CUX1: variants seen among roughly 807,000 people sequenced by gnomAD.
The protein encoded by CUX1 is cut like homeobox 1.
A neutral mutation model predicts 158.8 loss-of-function variants in CUX1; 31 were observed. That is an observed-to-expected ratio of 0.20 (90% CI 0.15 to 0.26). The LOEUF is 0.26. CUX1 is among the 10% of genes least tolerant of loss of function. The pLI, the probability that CUX1 is intolerant of heterozygous loss-of-function variation, is 1.00. For synonymous variants in CUX1, 879 were observed against 862.1 expected (o/e 1.02, Z -0.34); for missense variants, 1,589 against 2,014.6 (o/e 0.79, Z 4.04).
At chr7:101,858,917 C>T (rs1261317362) in intron 1 of CUX1, among the ~76,000 whole-genome samples, 5 of 152,100 alleles carry the variant, frequency 3.3e-5, no homozygotes, top group African/African-American at 9.7e-5. Context: ...CCGCTTCCCT[C>T]GGTCTCCCAG....
In CUX1 at chr7:101,817,904, C is replaced by T. The variant is rs1792055147; in HGVS notation, c.30+235C>T. 2.0e-5 allele frequency among the ~76,000 whole-genome samples: 3 copies of T among 152,178 alleles called. No homozygotes were observed. The highest frequency in any genetic ancestry group is 2.0e-4 in the Admixed American group (3 of 15,286). On this transcript the variant is annotated intron_variant, in intron 1 of 23. Transcript: ENST00000292535. The surrounding 1 kb of genome is among the most constrained non-coding windows in gnomAD (Gnocchi z 4.1). ...AACCTGGAGGACTGGTGACAGTGAC[C>T]TACCGCAATACCTTTGGGAGCAAAG... is the stretch of plus-strand genomic sequence containing the variant.
intron 19 of CUX1, 93 bp from the exon 20 acceptor site, chr7:102,205,021 G>T: frequency 1.1e-6 from 1 of 887,238 alleles, no homozygotes; most frequent in South Asian, 1.5e-5. Context: ...CAGGAGGAAT[G>T]GGAAGCCTCC....
At position 101,848,528 on chromosome 7, in the gene CUX1, T is replaced by C. The variant is rs1795944724; in HGVS notation, c.30+30859T>C. Among the ~76,000 whole-genome samples, 3 of 152,266 alleles carry C rather than the reference T, an allele frequency of 2.0e-5. No individual in the cohort carries two copies. The South Asian group carries it at 6.2e-4, about 32-fold the overall frequency. ...TTGGGCGAGGGATCTTGATTCTTAA[T>C]GTTGAGGGGACTAGGAATGTTTGAA... is the stretch of plus-strand genomic sequence containing the variant. On this transcript the variant is annotated intron_variant, in intron 1 of 23. Transcript: ENST00000292535.
chr7:101,877,235 C>T (rs1224302046), intron 1 of CUX1, among the ~76,000 whole-genome samples: 4 of 152,164 alleles, frequency 2.6e-5, no homozygotes, highest in African/African-American at 9.7e-5. Context: ...GAAAAGTCTC[C>T]TATCTGCCTA....
In CUX1 at chr7:102,146,632, C is replaced by T. The variant is rs145390913; in HGVS notation, c.675-11928C>T. Among the ~76,000 whole-genome samples, 1,044 of 152,262 alleles carry T rather than the reference C, an allele frequency of 6.9e-3. 15 individuals are homozygous for T. The highest frequency in any genetic ancestry group is 0.023 in the African/African-American group (970 of 41,572). ...TCTTTTTTTTAAACAGACTCTCACT[C>T]TGTTGCCCAGGCTGGAGTACAGTGG... On this transcript the variant is annotated intron_variant, in intron 8 of 23. Coordinates refer to ENST00000292535, the MANE Select transcript of CUX1 (RefSeq NM_181552.4).
chr7:102,080,473 G>A (rs1554478248), intron 4 of CUX1, among the ~76,000 whole-genome samples: 2 of 152,182 alleles, frequency 1.3e-5, no homozygotes, highest in East Asian at 1.9e-4. Flanking sequence ...AGCGTCTGCC[G>A]CATTGTGATG....
rs571020000 is a variant in CUX1 at position 102,070,547 on chromosome 7, A to C, written c.268+130A>C. On this transcript the variant is annotated intron_variant, in intron 4 of 23. Coordinates refer to ENST00000292535, the MANE Select transcript of CUX1 (RefSeq NM_181552.4). Reference sequence around the variant, plus strand: ...CATCAGTGGCAACTTCCCCCCAAGAAACCAGGGAGTGCAGGACACATGAAT... The same window carrying C: ...CATCAGTGGCAACTTCCCCCCAAGACACCAGGGAGTGCAGGACACATGAAT... 2,275 of 661,852 alleles carry C rather than the reference A, an allele frequency of 3.4e-3. 8 individuals are homozygous for C. The highest frequency in any genetic ancestry group is 0.013 in the Middle Eastern group (47 of 3,742). The allele number at this position is 661,852 out of a possible 1,614,324, so 41.0% of individuals were successfully genotyped here. A position where few individuals can be genotyped will look rare whatever the true frequency, so the allele number is the denominator to read the frequency against.
intron 11 of CUX1, among the ~76,000 whole-genome samples, chr7:102,181,167 C>T (rs534916476): frequency 1.6e-4 from 24 of 152,012 alleles, no homozygotes; most frequent in African/African-American, 5.5e-4. Context: ...TCTCAAATTC[C>T]CGATCTCAGG....
intron 3 of CUX1, among the ~76,000 whole-genome samples, chr7:102,052,890 C>T (rs556408325): frequency 3.3e-5 from 5 of 151,492 alleles, no homozygotes; most frequent in Non-Finnish European, 7.4e-5. Flanking sequence ...TCAGTGCAAC[C>T]TCTGCCTCGC....
chr7:102,131,820 G>A (rs373705644), intron 8 of CUX1, among the ~76,000 whole-genome samples: 16 of 151,634 alleles, frequency 1.1e-4, no homozygotes, highest in East Asian at 7.8e-4. Context: ...TTACAGGCGC[G>A]CACCACCATG....
intron 1 of CUX1, among the ~76,000 whole-genome samples, chr7:101,868,965 C>T (rs1485059224): frequency 6.6e-6 from 1 of 152,168 alleles, no homozygotes; most frequent in African/African-American, 2.4e-5. Context: ...AGAGGAGAGG[C>T]CCCTGGATGC....
intron 1 of CUX1, among the ~76,000 whole-genome samples, chr7:101,880,068 A>G (rs1799558133): frequency 1.4e-5 from 1 of 70,160 alleles, no homozygotes; most frequent in Non-Finnish European, 2.8e-5. Flanking sequence ...ACCTACAGGA[A>G]AAGGCTGATT....
At chr7:102,089,651 G>A (rs1248992060) in intron 4 of CUX1, among the ~76,000 whole-genome samples, 5 of 152,258 alleles carry the variant, frequency 3.3e-5, no homozygotes, top group African/African-American at 1.2e-4. Flanking sequence ...TTTCAGCTCA[G>A]ACTTTCCTTT....
chr7:101,858,453 T>A (rs1049656687), intron 1 of CUX1, among the ~76,000 whole-genome samples: 1 of 152,156 alleles, frequency 6.6e-6, no homozygotes, highest in Non-Finnish European at 1.5e-5. Flanking sequence ...CTTTTTCTTC[T>A]TCAATGACTT....
At chr7:102,046,569 A>AATTTTTTTTTTTTTTT (rs1822830290) in intron 3 of CUX1, among the ~76,000 whole-genome samples, 1 of 55,466 alleles carries the variant, frequency 1.8e-5, no homozygotes, top group Non-Finnish European at 3.2e-5. Flanking sequence ...TTTGGTTTGG[A>AATTTTTTTTTTTTTTT]TTTTTTTTTT....
At chr7:102,127,614 T>C (rs1832786846) in intron 8 of CUX1, among the ~76,000 whole-genome samples, 2 of 152,154 alleles carry the variant, frequency 1.3e-5, no homozygotes. Context: ...TAAATATTTC[T>C]TGCTTATCAT....
intron 2 of CUX1, among the ~76,000 whole-genome samples, chr7:101,939,090 T>C (rs868756556): frequency 2.9e-4 from 27 of 91,548 alleles, no homozygotes; most frequent in Admixed American, 1.2e-3. Context: ...TATATATATA[T>C]ATATATATAT....
chr7:102,241,444 C>G (rs1800196373), intron 23 of CUX1, among the ~76,000 whole-genome samples: 1 of 152,108 alleles, frequency 6.6e-6, no homozygotes. Context: ...CTACGTAGGT[C>G]TAGCCGATGG....
At chr7:102,244,346 C>T (rs1472826525) in intron 23 of CUX1, among the ~76,000 whole-genome samples, 2 of 150,872 alleles carry the variant, frequency 1.3e-5, no homozygotes, top group African/African-American at 4.9e-5. Flanking sequence ...AAAAACCGAG[C>T]TTTATTTCCT....
Sources: gnomAD v4.1 joint callset for allele counts (sites outside exome capture counted in the v4.1 genomes callset) on GRCh38, gnomAD v4.1.1 for gene constraint, Gnocchi (gnomAD v3.1) non-coding constraint, MANE v1.5 for transcripts, NCBI Gene and HGNC (gene_info 2026-07-23, HGNC 2026-07-21) for gene names.